Variants in GIGYF2 observed in about 807,000 individuals in gnomAD.
The protein encoded by GIGYF2 is GRB10-interacting GYF protein 2.
GIGYF2 carries 25 observed loss-of-function variants against 208.1 expected under a neutral mutation model. That is an observed-to-expected ratio of 0.12 (90% confidence interval 0.09 to 0.17). The LOEUF is 0.17. Ranked by LOEUF, GIGYF2 falls within the 10% of genes least tolerant of loss-of-function variation. GIGYF2 has a pLI of 1.00. For missense variants in GIGYF2, 1,302 were observed against 1,579.4 expected, an observed-to-expected ratio of 0.82 and a Z score of 2.98; for synonymous variants, 534 against 543.8, an observed-to-expected ratio of 0.98 and a Z score of 0.25.
At chr2:232,753,441 T>C (rs1378918511) in intron 5 of GIGYF2, among the ~76,000 whole-genome samples, 1 of 152,084 alleles carries the variant, frequency 6.6e-6, no homozygotes, top group East Asian at 1.9e-4. Context: ...GTAATTTTAG[T>C]GGAGATGGTG....
In GIGYF2 at chr2:232,844,587, A is replaced by G. The variant is rs761575922; in HGVS notation, c.3305+13A>G. 42 of 1,577,382 alleles carry G rather than the reference A, an allele frequency of 2.7e-5. No homozygotes were observed. The South Asian group carries it at 4.0e-4, about 15-fold the overall frequency. ...ACGCCAGTCTCAGGTAGGGCTCAAA[A>G]TGACCACACCTATGCACCTTGGTTG... On this transcript the variant is annotated intron_variant, in intron 25 of 28. Transcript: ENST00000373563.
At chr2:232,770,846 AGTTTT>A (rs573097228) in intron 8 of GIGYF2, 10 of 1,191,492 alleles carry the variant, frequency 8.4e-6, no homozygotes, top group African/African-American at 4.5e-5. Context: ...AAACACCTGT[AGTTTT>A]GTTTTGTTTT....
At position 232,839,938 on chromosome 2, in the gene GIGYF2, A is replaced by G; in HGVS notation, c.2856A>G (p.Leu952=). ...ATLSLAEIQK[L]EEERERQLRE... The stretch of plus-strand genomic sequence containing the variant: ...TGTCGTTGGCTGAAATCCAAAAACT[A>G]GAGGAAGAACGAGAACGGCAGCTTC... Residue 952 remains leucine (L), a synonymous_variant, in exon 23 of 29, where the codon CTA becomes CTG. Coordinates refer to ENST00000373563, the MANE Select transcript of GIGYF2 (RefSeq NM_001103146.3). The G allele has an allele frequency of 1.9e-6, 3 of 1,614,056 alleles. No homozygotes were observed. Among genetic ancestry groups the G allele is most frequent in the East Asian group, 2.2e-5 (1 of 44,874 alleles).
At position 232,832,896 on chromosome 2, in the gene GIGYF2, G is replaced by T. The variant is rs1701466515; in HGVS notation, c.2569G>T (p.Ala857Ser). 2 of 1,556,994 alleles carry T rather than the reference G, an allele frequency of 1.3e-6. No individual in the cohort carries two copies. The highest frequency in any genetic ancestry group is 1.7e-6 in the Non-Finnish European group (2 of 1,148,758). Residue 857 changes from alanine to serine, a missense_variant, in exon 22 of 29, where the codon GCC becomes TCC. By Grantham distance (99) the Ala-to-Ser change is moderately conservative. Transcript: ENST00000373563. ...AAAATGGGCCCGGGAAGAAGAAGAA[G>T]CCCAGCGTCGATTAGAGGAGAACCG... ...AAKWAREEEE[A>S]QRRLEENRLR...
intron 3 of GIGYF2, among the ~76,000 whole-genome samples, chr2:232,744,553 T>G (rs1698080171): frequency 6.6e-6 from 1 of 152,046 alleles, no homozygotes; most frequent in Non-Finnish European, 1.5e-5. Context: ...TTTCTTTTTT[T>G]TTTTGAGACA....
intron 2 of GIGYF2, among the ~76,000 whole-genome samples, chr2:232,712,996 G>A (rs1696497998): frequency 6.6e-6 from 1 of 152,064 alleles, no homozygotes; most frequent in African/African-American, 2.4e-5. Context: ...ATAACTACTA[G>A]CCAGTTGTGT....
chr2:232,764,104 G>C (rs1362465434), intron 8 of GIGYF2, among the ~76,000 whole-genome samples: 1 of 152,206 alleles, frequency 6.6e-6, no homozygotes, highest in Non-Finnish European at 1.5e-5. Flanking sequence ...TATCTATGGA[G>C]TGGAACAGTT....
chr2:232,836,309 T>TAAATAA (rs1701613834), intron 22 of GIGYF2, among the ~76,000 whole-genome samples: 1 of 20,320 alleles, frequency 4.9e-5, no homozygotes, highest in African/African-American at 1.7e-4. Context: ...TATATATATA[T>TAAATAA]ATATATATAT....
chr2:232,806,405 T>C lies in GIGYF2; in HGVS notation c.1640-86T>C. Reference sequence around the variant, plus strand: ...AACATTTTGACAGATGCCACCTCGATGAGAATCAGATGCAGGAAATATTTT... The same window carrying C: ...AACATTTTGACAGATGCCACCTCGACGAGAATCAGATGCAGGAAATATTTT... On this transcript the variant is annotated intron_variant, in intron 14 of 28. Coordinates refer to ENST00000373563, the MANE Select transcript of GIGYF2 (RefSeq NM_001103146.3). This position sits in a 1 kb window ranked among gnomAD's most constrained non-coding sequence, Gnocchi z 4.0. 1 of 938,360 alleles carries C rather than the reference T, an allele frequency of 1.1e-6. No homozygotes were observed. The highest frequency in any genetic ancestry group is 1.8e-6 in the Non-Finnish European group (1 of 564,630). The allele number at this position is 938,360 out of a possible 1,614,324, so 58.1% of individuals were successfully genotyped here.
chr2:232,741,824 C>G (rs976713279), intron 3 of GIGYF2, among the ~76,000 whole-genome samples: 7 of 152,184 alleles, frequency 4.6e-5, no homozygotes, highest in African/African-American at 1.7e-4. Context: ...ATCAAGACTT[C>G]TCTAAAATCC....
At chr2:232,799,464 C>G (rs796871433) in intron 14 of GIGYF2, among the ~76,000 whole-genome samples, 4 of 151,664 alleles carry the variant, frequency 2.6e-5, no homozygotes, top group African/African-American at 9.7e-5. Flanking sequence ...GCAGGAGGAT[C>G]ACTTGAGCCC....
intron 16 of GIGYF2, 46 bp downstream of exon 16, chr2:232,809,857 C>T: frequency 9.5e-7 from 1 of 1,053,844 alleles, no homozygotes; most frequent in Non-Finnish European, 1.5e-6. Context: ...TGAAAAAGGA[C>T]TTTAAATAGA....
intron 21 of GIGYF2, among the ~76,000 whole-genome samples, 175 bp downstream of exon 21, chr2:232,820,160 T>C (rs188663443): frequency 6.6e-6 from 1 of 152,280 alleles, no homozygotes; most frequent in African/African-American, 2.4e-5. Context: ...AATGAAAACC[T>C]GTTTTCTAGA....
intron 27 of GIGYF2, among the ~76,000 whole-genome samples, chr2:232,848,769 A>G (rs1443909539): frequency 3.3e-5 from 5 of 152,224 alleles, no homozygotes; most frequent in African/African-American, 9.7e-5. Flanking sequence ...TCCTTGTTCT[A>G]CCTTAACTGG....
At chr2:232,776,640 C>CT in intron 8 of GIGYF2, 1 of 607,020 alleles carries the variant, frequency 1.6e-6, no homozygotes, top group Non-Finnish European at 3.0e-6. Flanking sequence ...TGATTGGTCA[C>CT]TTAGCCTGCA....
chr2:232,718,910 A>G (rs1455964198), intron 2 of GIGYF2: 1 of 152,028 alleles, frequency 6.6e-6, no homozygotes, highest in African/African-American at 2.4e-5. Context: ...GACTATACAT[A>G]GTACTGGCTG....
intron 1 of GIGYF2, 69 bp downstream of exon 1, chr2:232,697,461 CG>C (rs1454608748): frequency 6.5e-6 from 1 of 153,828 alleles, no homozygotes; most frequent in African/African-American, 2.4e-5. Flanking sequence ...CGCCGCGTCC[CG>C]GGCCGCCTGT....
At chr2:232,830,354 C>T (rs989977499) in intron 21 of GIGYF2, among the ~76,000 whole-genome samples, 2 of 152,116 alleles carry the variant, frequency 1.3e-5, no homozygotes, top group Non-Finnish European at 2.9e-5. Flanking sequence ...ACATGTGTGA[C>T]AGTTGGTCCA....
At chr2:232,761,539 C>A in intron 8 of GIGYF2, 103 bp downstream of exon 8, 1 of 718,724 alleles carries the variant, frequency 1.4e-6, no homozygotes, top group Non-Finnish European at 2.5e-6. Context: ...TGCATTTAAA[C>A]TTCCACGGTT....
Sources: allele counts gnomAD v4.1 joint callset (sites outside exome capture counted in the v4.1 genomes callset), GRCh38; gene constraint gnomAD v4.1.1; non-coding constraint Gnocchi (gnomAD v3.1); transcripts MANE v1.5; gene names NCBI Gene and HGNC (gene_info 2026-07-23, HGNC 2026-07-21).